The following ESRRG variants were observed in gnomAD, a reference collection of about 807,000 sequenced individuals.
ESRRG encodes estrogen-related receptor gamma.
A neutral mutation model predicts 44.0 loss-of-function variants in ESRRG; 13 were observed. The ratio of observed to expected loss-of-function variants is 0.30; its 90% confidence interval spans 0.19 to 0.47. ESRRG has a LOEUF of 0.47. ESRRG is among the 20% of genes least tolerant of loss of function. The pLI is 1.00. For synonymous variants in ESRRG, 215 were observed against 214.6 expected, an observed-to-expected ratio of 1.00 and a Z score of -0.02; for missense variants, 395 against 580.6, an observed-to-expected ratio of 0.68 and a Z score of 3.29.
intron 2 of ESRRG, among the ~76,000 whole-genome samples, chr1:216,925,026 C>G (rs951766435): frequency 6.6e-6 from 1 of 152,148 alleles, no homozygotes; most frequent in Non-Finnish European, 1.5e-5. Context: ...GTCCTTGAAA[C>G]AGGTCCCTTT....
At chr1:216,750,086 C>T (rs530179733) in intron 2 of ESRRG, among the ~76,000 whole-genome samples, 41 of 152,280 alleles carry the variant, frequency 2.7e-4, no homozygotes, top group African/African-American at 8.7e-4. Flanking sequence ...TTCCTTTCTT[C>T]GTTCCTCCCT....
chr1:216,912,782 C>T (rs2060628343), intron 2 of ESRRG, among the ~76,000 whole-genome samples: 1 of 152,032 alleles, frequency 6.6e-6, no homozygotes. Flanking sequence ...AGTCAGCCTT[C>T]TATATCCTTG....
In ESRRG at chr1:216,778,752, G is replaced by C. The variant is rs534380929; in HGVS notation, c.-13-101261C>G. On this transcript the variant is annotated intron_variant, in intron 2 of 7. Coordinates refer to the ESRRG transcript ENST00000359162. ...ATAGTAAGCCTTCCTCTACTTTTGA[G>C]AGCCATCCAGTTGGGATTCAACCTA... is the stretch of plus-strand genomic sequence containing the variant. Among the ~76,000 whole-genome samples, 40 of 152,048 alleles carry C rather than the reference G, an allele frequency of 2.6e-4. 1 individual carries two copies. In the South Asian group the frequency reaches 7.5e-3, roughly 28 times the overall value.
chr1:216,707,555 C>T (rs1341514221), intron 1 of ESRRG: 24 of 1,436,582 alleles, frequency 1.7e-5, no homozygotes, highest in Non-Finnish European at 2.2e-5. Flanking sequence ...AAAACTACAG[C>T]TACTTAAGTC....
intron 2 of ESRRG, among the ~76,000 whole-genome samples, chr1:216,902,231 G>A (rs1180354733): frequency 6.6e-6 from 1 of 152,190 alleles, no homozygotes; most frequent in African/African-American, 2.4e-5. Flanking sequence ...GCTCACGCCT[G>A]TAATCCCAGC....
chr1:216,824,989 G>A (rs2095366003), intron 2 of ESRRG, among the ~76,000 whole-genome samples: 1 of 152,194 alleles, frequency 6.6e-6, no homozygotes, highest in South Asian at 2.1e-4. Flanking sequence ...CAGGAGGTCT[G>A]TAGTCTACAG....
chr1:216,571,642 C>G (rs1358203952), intron 3 of ESRRG, among the ~76,000 whole-genome samples: 1 of 144,770 alleles, frequency 6.9e-6, no homozygotes, highest in Non-Finnish European at 1.5e-5. Flanking sequence ...AGATCAATAA[C>G]TATCTATGCA....
chr1:217,115,616 T>G (rs1459484729), intron 1 of ESRRG, among the ~76,000 whole-genome samples: 1 of 152,126 alleles, frequency 6.6e-6, no homozygotes, highest in Non-Finnish European at 1.5e-5. Context: ...TGCTCCTCCC[T>G]GAAACTTCTG....
intron 2 of ESRRG, among the ~76,000 whole-genome samples, chr1:216,831,647 TA>T (rs1261196652): frequency 1.3e-5 from 2 of 152,138 alleles, no homozygotes; most frequent in Non-Finnish European, 2.9e-5. Context: ...TAATATTAGA[TA>T]AAAAATTTAG....
At chr1:216,736,652 G>A (rs2089971084) in intron 2 of ESRRG, among the ~76,000 whole-genome samples, 1 of 152,092 alleles carries the variant, frequency 6.6e-6, no homozygotes, top group African/African-American at 2.4e-5. Context: ...GTACCCTTGC[G>A]CTAGCTGCTG....
At chr1:216,777,487 T>A (rs946349209) in intron 2 of ESRRG, among the ~76,000 whole-genome samples, 1 of 152,156 alleles carries the variant, frequency 6.6e-6, no homozygotes. Flanking sequence ...AAGAGGTTTT[T>A]CTTTGTAATC....
intron 5 of ESRRG, among the ~76,000 whole-genome samples, chr1:216,526,537 C>T (rs933244623): frequency 6.6e-6 from 1 of 152,120 alleles, no homozygotes; most frequent in Non-Finnish European, 1.5e-5. Context: ...AAACCTCCTG[C>T]CACCTGCTCT....
intron 2 of ESRRG, among the ~76,000 whole-genome samples, chr1:216,779,205 ATATAAATATATATTTATATT>A (rs1559602530): frequency 5.2e-5 from 3 of 58,058 alleles, no homozygotes; most frequent in Admixed American, 3.3e-4. Context: ...ATATTTATAA[ATATAAATATATATTTATATT>A]TATAAATATA....
intron 2 of ESRRG, among the ~76,000 whole-genome samples, chr1:216,745,149 G>GT (rs759703154): frequency 2.3e-4 from 35 of 151,368 alleles, no homozygotes; most frequent in Non-Finnish European, 4.3e-4. Flanking sequence ...TCCTTTTTTT[G>GT]TTTTTTGTTT....
At chr1:216,682,741 T>TGTGTGTGTGTGTGTGTGTGTGTGTGTGTG (rs1553496190) in intron 1 of ESRRG, among the ~76,000 whole-genome samples, 2 of 151,108 alleles carry the variant, frequency 1.3e-5, no homozygotes, top group Non-Finnish European at 3.0e-5. Context: ...TGTGTGTGTG[T>TGTGTGTGTGTGTGTGTGTGTGTGTGTGTG]TTTATGCTTT....
intron 1 of ESRRG, among the ~76,000 whole-genome samples, chr1:216,696,045 T>C (rs906907991): frequency 2.6e-5 from 4 of 152,322 alleles, no homozygotes; most frequent in African/African-American, 7.2e-5. Flanking sequence ...CAGTGTATGG[T>C]GAATTCTCAA....
In ESRRG at chr1:216,583,963, A is replaced by G. The variant is rs1001673473; in HGVS notation, c.590-15865T>C. Among the ~76,000 whole-genome samples, 45 of 152,184 alleles carry G rather than the reference A, an allele frequency of 3.0e-4. 1 individual carries two copies. Among genetic ancestry groups the G allele is most frequent in the Non-Finnish European group, 5.7e-4 (39 of 68,032 alleles). ...TGAATCCATGATTAAATTGGTTCCC[A>G]CTGGTTGCCTCCACAACACATGGGA... On this transcript the variant is annotated intron_variant, in intron 3 of 6. Transcript: ENST00000408911.
At chr1:216,810,585 TTA>T (rs1468691205) in intron 2 of ESRRG, among the ~76,000 whole-genome samples, 1 of 147,518 alleles carries the variant, frequency 6.8e-6, no homozygotes, top group Non-Finnish European at 1.5e-5. Context: ...ATATTATAAA[TTA>T]TATATATAAT....
At chr1:216,973,125 G>A (rs545141032) in intron 1 of ESRRG, among the ~76,000 whole-genome samples, 8 of 152,166 alleles carry the variant, frequency 5.3e-5, no homozygotes, top group African/African-American at 1.9e-4. Flanking sequence ...CCCCTTGTCG[G>A]TCTATTTTCT....
Sources: allele counts gnomAD v4.1 joint callset (sites outside exome capture counted in the v4.1 genomes callset), GRCh38; gene constraint gnomAD v4.1.1; transcripts MANE v1.5; gene names NCBI Gene and HGNC (gene_info 2026-07-23, HGNC 2026-07-21).